The following WDR18 variants were observed in gnomAD, a reference collection of about 807,000 sequenced individuals.
WDR18 encodes the protein WD repeat-containing protein 18.
Under a neutral mutation model 49.6 loss-of-function variants are expected in WDR18, and 33 were observed. The ratio of observed to expected loss-of-function variants is 0.67; its 90% CI spans 0.50 to 0.89. The LOEUF (loss-of-function observed/expected upper bound fraction) is 0.89, where lower values mean the gene tolerates loss of function less well. Among genes scored for constraint, WDR18 ranks in the 40% least tolerant of loss-of-function variants. The pLI is 0.00. For missense variants in WDR18, 653 were observed against 593.6 expected (o/e 1.10, Z -1.04); for synonymous variants, 315 against 263.6 (o/e 1.19, Z -1.89).
At chr19:991,428 G>T (rs890588665) in intron 7 of WDR18, 77 bp downstream of exon 7, 27 of 1,424,936 alleles carry the variant, frequency 1.9e-5, no homozygotes, top group Non-Finnish European at 2.2e-5. Flanking sequence ...TGGCTTGGGT[G>T]GGGGCGGGGA....
In WDR18 at chr19:991,121, C is replaced by A. The variant is rs1332281507; in HGVS notation, c.782C>A (p.Ala261Asp). ...AGGAGCTTCCACCCAGAGCAGGACG[C>A]CGGGAAGGTCTTCAAAGGGCACAGG... ...RERSFHPEQD[A>D]GKVFKGHRNQ... is the part of the protein sequence containing the mutation. The change falls in exon 6 of 10, where the codon GCC becomes GAC. Residue 261 changes from alanine (A) to aspartate (D), a missense_variant. By Grantham distance (126) the Ala-to-Asp change is moderately radical (BLOSUM62 -2). Coordinates refer to ENST00000585809, the MANE Select transcript of WDR18 (RefSeq NM_024100.4). The A allele has an allele frequency of 6.3e-7, 1 of 1,583,340 alleles. No individual in the cohort carries two copies. The highest frequency in any genetic ancestry group is 1.8e-5 in the Admixed American group (1 of 55,214).
At position 994,041 on chromosome 19, in the gene WDR18, GACC is replaced by G; in HGVS notation, c.1121_1123del (p.Asp374_Arg375delinsGly). 6.4e-7 allele frequency: 1 copy of G among 1,559,162 alleles called. No individual in the cohort carries two copies. Among genetic ancestry groups the G allele is most frequent in the Non-Finnish European group, 8.7e-7 (1 of 1,152,672 alleles). ...ACAGGGCTCGGAGCCCAGCTACCTG[GACC>G]GCACGGAGCAGCTGCAGGCCGTCCT... On this transcript the variant is annotated inframe_deletion, in exon 9 of 10. Coordinates refer to ENST00000585809, the MANE Select transcript of WDR18 (RefSeq NM_024100.4).
At chr19:990,713 T>G in intron 4 of WDR18, 139 bp from the exon 5 acceptor site, 3 of 1,294,372 alleles carry the variant, frequency 2.3e-6, no homozygotes, top group Non-Finnish European at 3.1e-6. Flanking sequence ...AAGACCCACA[T>G]GGTGACGGCT....
At chr19:990,561 G>C (rs2038531959) in intron 4 of WDR18, 197 bp downstream of exon 4, 4 of 939,924 alleles carry the variant, frequency 4.3e-6, no homozygotes, top group Non-Finnish European at 6.0e-6. Flanking sequence ...CACCGTTTCT[G>C]GCCCGGCTCC....
chr19:983,926 C>T (rs1244707343), upstream of WDR18, among the ~76,000 whole-genome samples: 3 of 152,164 alleles, frequency 2.0e-5, no homozygotes, highest in African/African-American at 4.8e-5. Context: ...TCATCGCCAA[C>T]TAGCCATGTT....
At chr19:989,678 A>G (rs1225996550) in intron 2 of WDR18, 84 bp from the exon 3 acceptor site, 1 of 1,565,968 alleles carries the variant, frequency 6.4e-7, no homozygotes, top group Non-Finnish European at 8.7e-7. Flanking sequence ...ATGGCCGTGC[A>G]GTGGTGGGTT....
In WDR18 at chr19:992,058, C is replaced by A; in HGVS notation, c.1035C>A (p.Gly345=). Residue 345 remains glycine (G), a synonymous_variant, in exon 8 of 10, where the codon GGC becomes GGA. Transcript: ENST00000585809. The part of the protein sequence containing the change: ...PLPHFNKHLL[G]AEHGDEPRHG... ...CCCACTTCAACAAGCACCTGCTGGG[C>A]GCCGAGCACGGGGACGAGCCGCGCC... The A allele has an allele frequency of 1.3e-6, 2 of 1,574,962 alleles. No individual in the cohort carries two copies. The highest frequency in any genetic ancestry group is 2.4e-5 in the East Asian group (1 of 42,100).
intron 8 of WDR18, among the ~76,000 whole-genome samples, chr19:992,518 G>A (rs376143036): frequency 1.3e-5 from 2 of 152,242 alleles, no homozygotes; most frequent in African/African-American, 2.4e-5. Context: ...GGCAGGGAGC[G>A]GGTGGGGCCC....
intron 8 of WDR18, among the ~76,000 whole-genome samples, chr19:993,066 G>A (rs1040206466): frequency 6.6e-6 from 1 of 152,234 alleles, no homozygotes; most frequent in Non-Finnish European, 1.5e-5. Context: ...GGGGCGGGCA[G>A]GCAGGGGACC....
At chr19:991,724 TGGCTGGGAC>T (rs1382161415) in intron 7 of WDR18, among the ~76,000 whole-genome samples, 2 of 19,366 alleles carry the variant, frequency 1.0e-4, no homozygotes, top group South Asian at 2.6e-3. Flanking sequence ...GGGCGGGGCC[TGGCTGGGAC>T]GGGGCGGGGC....
chr19:991,708 GGGA>G (rs2038554187), intron 7 of WDR18, among the ~76,000 whole-genome samples: 1 of 1,032 alleles, frequency 9.7e-4, no homozygotes, highest in Non-Finnish European at 2.2e-3. Context: ...GGGCCTGGCT[GGGA>G]CGGGGCGGGG....
In WDR18 at chr19:990,884, C is replaced by G. The variant is rs773556625; in HGVS notation, c.630C>G (p.Leu210=). The change falls in exon 5 of 10, where the codon CTC becomes CTG. Residue 210 remains leucine (L), a synonymous_variant. Transcript: ENST00000585809. ...LWEVSSGELL[L]SVLFDVSIMA... is the part of the protein sequence containing the mutation. ...AGGTCTCCTCGGGGGAGCTGCTGCT[C>G]TCCGTCCTCTTTGACGTGTCCATCA... The G allele has an allele frequency of 2.5e-6, 4 of 1,612,170 alleles. No individual in the cohort carries two copies. The African/African-American group carries it at 5.3e-5, about 22-fold the overall frequency.
intron 1 of WDR18, 22 bp downstream of exon 1, chr19:984,585 G>A (rs1207040030): frequency 2.8e-6 from 4 of 1,431,192 alleles, no homozygotes; most frequent in Non-Finnish European, 3.7e-6. Flanking sequence ...CGGTCTCGCT[G>A]CTGGGGTCAT....
At chr19:986,151 G>T (rs371177935) in intron 2 of WDR18, among the ~76,000 whole-genome samples, 176 bp downstream of exon 2, 3 of 152,124 alleles carry the variant, frequency 2.0e-5, no homozygotes, top group East Asian at 3.9e-4. Context: ...CTCGAGACTT[G>T]CGAATCCCAG....
At chr19:990,575 G>A in intron 4 of WDR18, 1 of 884,558 alleles carries the variant, frequency 1.1e-6, no homozygotes, top group Non-Finnish European at 1.6e-6. Flanking sequence ...CGGCTCCCTG[G>A]CCAAGCCTGG....
At chr19:989,127 C>T (rs1393855137) in intron 2 of WDR18, among the ~76,000 whole-genome samples, 6 of 84,350 alleles carry the variant, frequency 7.1e-5, no homozygotes, top group Non-Finnish European at 1.6e-4. Flanking sequence ...CCACAAACCC[C>T]CCCAAGAGCA....
At chr19:989,651 G>A in intron 2 of WDR18, 111 bp from the exon 3 acceptor site, 1 of 1,469,678 alleles carries the variant, frequency 6.8e-7, no homozygotes, top group South Asian at 1.3e-5. Flanking sequence ...GGGCAGGCAG[G>A]GGGCGACAGT....
chr19:992,898 G>T (rs74546774), intron 8 of WDR18, among the ~76,000 whole-genome samples: 2,668 of 152,328 alleles, frequency 0.018, 77 homozygotes, highest in African/African-American at 0.061. Flanking sequence ...CTCCCCACGC[G>T]CCCTCTTCTT....
chr19:984,730 A>C (rs1314500154), intron 1 of WDR18, among the ~76,000 whole-genome samples, 167 bp downstream of exon 1: 3 of 148,758 alleles, frequency 2.0e-5, no homozygotes, highest in Non-Finnish European at 3.0e-5. Flanking sequence ...CTTTGGGGAG[A>C]TACGTGCGAC....
Sources: allele counts gnomAD v4.1 joint callset (sites outside exome capture counted in the v4.1 genomes callset), GRCh38; gene constraint gnomAD v4.1.1; transcripts MANE v1.5; gene names NCBI Gene and HGNC (gene_info 2026-07-23, HGNC 2026-07-21).